The following LMNB1 variants were observed in gnomAD, a reference collection of about 807,000 sequenced individuals.
LMNB1 encodes lamin B1.
A neutral mutation model predicts 67.1 loss-of-function variants in LMNB1; 23 were observed. That is an observed-to-expected ratio of 0.34 (90% confidence interval 0.25 to 0.49). The LOEUF is 0.49. Among genes scored for constraint, LMNB1 ranks in the 20% least tolerant of loss-of-function variants. The probability of loss-of-function intolerance (pLI) is 0.99; values close to 1 mark genes in which losing one functional copy is unlikely to be tolerated. For synonymous variants in LMNB1, 281 were observed against 282.9 expected (o/e 0.99, Z 0.07); for missense variants, 634 against 746.5 (o/e 0.85, Z 1.76).
At position 126,791,998 on chromosome 5, in the gene LMNB1, G is replaced by A. The variant is rs112858221; in HGVS notation, c.360-12778G>A. Among the ~76,000 whole-genome samples the A allele has an allele frequency of 7.0e-3, 1,065 of 152,118 alleles. 11 individuals are homozygous for A. Among genetic ancestry groups the A allele is most frequent in the African/African-American group, 0.024 (1,016 of 41,508 alleles). Reference sequence around the variant, plus strand: ...GGGTTTCACCATGTTGGTCAGGCTGGTCTCGAACTCCTGACCTCAAGTGAT... The same window carrying A: ...GGGTTTCACCATGTTGGTCAGGCTGATCTCGAACTCCTGACCTCAAGTGAT... On this transcript the variant is annotated intron_variant, in intron 1 of 10. Transcript: ENST00000261366.
chr5:126,808,647 A>AT (rs1751511677), intron 3 of LMNB1, among the ~76,000 whole-genome samples: 1 of 152,154 alleles, frequency 6.6e-6, no homozygotes, highest in Non-Finnish European at 1.5e-5. Context: ...TATTTTTGTG[A>AT]TTTAGGTATT....
At chr5:126,783,165 A>ACTCCAGCTTGGGCGACAGAGCG (rs1561733119) in intron 1 of LMNB1, among the ~76,000 whole-genome samples, 5 of 151,880 alleles carry the variant, frequency 3.3e-5, no homozygotes, top group Non-Finnish European at 7.4e-5. Context: ...GTACCACTGC[A>ACTCCAGCTTGGGCGACAGAGCG]CTCCAGCTTG....
At chr5:126,824,571 TATG>T (rs1036924066) in intron 8 of LMNB1, among the ~76,000 whole-genome samples, 2 of 152,224 alleles carry the variant, frequency 1.3e-5, no homozygotes, top group African/African-American at 4.8e-5. Flanking sequence ...ACTGACATTT[TATG>T]ATGATGATTA....
Position 126,804,827 on chromosome 5 carries a change from A to G in LMNB1, c.411A>G (p.Glu137=). 6.2e-7 allele frequency: 1 copy of G among 1,614,082 alleles called. No individual in the cohort carries two copies. The highest frequency in any genetic ancestry group is 8.5e-7 in the Non-Finnish European group (1 of 1,179,918). ...ATGGCGCCCAGATCAAGCTTCGAGA[A>G]TATGAAGCAGCACTGAATTCGAAAG... The part of the protein sequence containing the change: ...DLNGAQIKLR[E]YEAALNSKDA... The change falls in exon 2 of 11, where the codon GAA becomes GAG. Residue 137 remains glutamate (E), a synonymous_variant. Transcript: ENST00000261366.
rs374747437 is a variant in LMNB1 at position 126,832,672 on chromosome 5, C to T, written c.1612-22C>T. 5.2e-6 allele frequency: 8 copies of T among 1,550,398 alleles called. No homozygotes were observed. In the African/African-American group the frequency reaches 9.5e-5, roughly 18 times the overall value. On this transcript the variant is annotated intron_variant, in intron 9 of 10. Coordinates refer to ENST00000261366, the MANE Select transcript of LMNB1 (RefSeq NM_005573.4). ...TGGTGATTTTAAGTGTGTTTTTTAA[C>T]TTAAACTACTATTGTTTTTAGGAGG...
intron 3 of LMNB1, among the ~76,000 whole-genome samples, chr5:126,808,746 T>C (rs1263014164): frequency 1.3e-5 from 2 of 152,212 alleles, no homozygotes; most frequent in East Asian, 3.8e-4. Flanking sequence ...GTCAAGTGCA[T>C]GCTCCTGTGT....
chr5:126,795,352 G>A (rs954836601), intron 1 of LMNB1, among the ~76,000 whole-genome samples: 1 of 151,950 alleles, frequency 6.6e-6, no homozygotes, highest in African/African-American at 2.4e-5. Context: ...TGCCCAGGGT[G>A]GTCTCGAACT....
chr5:126,799,219 C>T (rs189619974), intron 1 of LMNB1, among the ~76,000 whole-genome samples: 2 of 152,254 alleles, frequency 1.3e-5, no homozygotes, highest in South Asian at 2.1e-4. Context: ...GGGGTTTCAC[C>T]GTGTTAGCCA....
chr5:126,820,147 A>G (rs1580550832), intron 6 of LMNB1, among the ~76,000 whole-genome samples: 4 of 152,190 alleles, frequency 2.6e-5, no homozygotes, highest in Admixed American at 2.6e-4. Flanking sequence ...TGTCTCACAA[A>G]AAAAAGAAAA....
chr5:126,831,229 C>G (rs1052940079), intron 9 of LMNB1, among the ~76,000 whole-genome samples: 3 of 152,132 alleles, frequency 2.0e-5, no homozygotes, highest in Non-Finnish European at 4.4e-5. Flanking sequence ...TGTGTCTTCC[C>G]CTGTAGCATT....
At chr5:126,824,233 T>C (rs1751936010) in intron 8 of LMNB1, among the ~76,000 whole-genome samples, 1 of 152,192 alleles carries the variant, frequency 6.6e-6, no homozygotes, top group African/African-American at 2.4e-5. Flanking sequence ...AGAATAGAAA[T>C]ATGAGAACCA....
rs61578729 is a variant in LMNB1 at position 126,784,014 on chromosome 5, A to ATTT, written c.359+6172_359+6174dup. Among the ~76,000 whole-genome samples, 88 of 59,448 alleles carry ATTT rather than the reference A, an allele frequency of 1.5e-3. 8 individuals carry two copies. The highest frequency in any genetic ancestry group is 4.1e-3 in the African/African-American group (58 of 14,046). 39.0% of individuals were successfully genotyped at this position (59,448 alleles called of 152,430 possible). On this transcript the variant is annotated intron_variant, in intron 1 of 10. Transcript: ENST00000261366. ...GAGATTGTGCTTTGGCTGTCATTTG[A>ATTT]TTTTTTTTTTTTTTTTTTTTTTTTT...
At chr5:126,811,945 C>T (rs1290769151) in intron 5 of LMNB1, 47 bp downstream of exon 5, 8 of 1,574,718 alleles carry the variant, frequency 5.1e-6, no homozygotes, top group Non-Finnish European at 7.0e-6. Flanking sequence ...AGGCTACCTT[C>T]ACCACGGGCA....
intron 1 of LMNB1, among the ~76,000 whole-genome samples, chr5:126,802,610 A>C (rs1172641859): frequency 6.6e-6 from 1 of 151,580 alleles, no homozygotes; most frequent in Non-Finnish European, 1.5e-5. Flanking sequence ...TGCCCTGCTA[A>C]TTTTTGTATT....
At chr5:126,830,617 A>G (rs1752109820) in intron 9 of LMNB1, among the ~76,000 whole-genome samples, 1 of 152,218 alleles carries the variant, frequency 6.6e-6, no homozygotes, top group Non-Finnish European at 1.5e-5. Context: ...AATAATGAAG[A>G]CAGGCAAGTT....
intron 1 of LMNB1, among the ~76,000 whole-genome samples, chr5:126,784,520 T>C (rs534560570): frequency 2.3e-4 from 35 of 151,450 alleles, no homozygotes; most frequent in African/African-American, 7.5e-4. Flanking sequence ...CACGCCCGGC[T>C]AATTTTTTGT....
At chr5:126,795,951 A>ATTTTTTTTTTTT (rs1751079978) in intron 1 of LMNB1, among the ~76,000 whole-genome samples, 2 of 11,434 alleles carry the variant, frequency 1.7e-4, no homozygotes, top group South Asian at 3.1e-3. Flanking sequence ...TTTTTTTTTG[A>ATTTTTTTTTTTT]GACGGAGTTT....
chr5:126,816,203 G>T (rs1186938431), intron 5 of LMNB1, among the ~76,000 whole-genome samples: 1 of 152,114 alleles, frequency 6.6e-6, no homozygotes, highest in Non-Finnish European at 1.5e-5. Flanking sequence ...TTAAATGCAA[G>T]TTCTCTGAGG....
In LMNB1 at chr5:126,806,643, T is replaced by C. The variant is rs182853801; in HGVS notation, c.642+947T>C. Reference sequence around the variant, plus strand: ...GAAAGAAACACAACGAGAACATGAATACATGCTACCAGCTACCAAGGCAGA... The same window carrying C: ...GAAAGAAACACAACGAGAACATGAACACATGCTACCAGCTACCAAGGCAGA... On this transcript the variant is annotated intron_variant, in intron 3 of 10. Coordinates refer to ENST00000261366, the MANE Select transcript of LMNB1 (RefSeq NM_005573.4). Among the ~76,000 whole-genome samples the C allele has an allele frequency of 7.9e-5, 12 of 152,240 alleles. No homozygotes were observed. In the East Asian group the frequency reaches 2.3e-3, roughly 29 times the overall value.
Sources: allele counts gnomAD v4.1 joint callset (sites outside exome capture counted in the v4.1 genomes callset), GRCh38; gene constraint gnomAD v4.1.1; transcripts MANE v1.5; gene names NCBI Gene and HGNC (gene_info 2026-07-23, HGNC 2026-07-21).